The following GRIN2A variants were observed in gnomAD, a reference collection of about 807,000 sequenced individuals.
GRIN2A encodes glutamate receptor ionotropic, NMDA 2A.
In GRIN2A, 22 loss-of-function variants were observed where a neutral mutation model predicts 113.4. The ratio of observed to expected loss-of-function variants is 0.19; its 90% confidence interval spans 0.14 to 0.28. The LOEUF (loss-of-function observed/expected upper bound fraction) is 0.28, where lower values mean the gene tolerates loss of function less well. Among genes scored for constraint, GRIN2A ranks in the 10% least tolerant of loss-of-function variants. GRIN2A has a pLI of 1.00. For synonymous variants in GRIN2A, 827 were observed against 738.4 expected (o/e 1.12, Z -1.94); for missense variants, 1,502 against 1,887.0 (o/e 0.80, Z 3.78).
chr16:10,154,476 C>T (rs1371964555), intron 2 of GRIN2A, among the ~76,000 whole-genome samples: 1 of 152,140 alleles, frequency 6.6e-6, no homozygotes, highest in Non-Finnish European at 1.5e-5. Flanking sequence ...ATTTTGTCCC[C>T]ATCCCCTGGA....
intron 2 of GRIN2A, among the ~76,000 whole-genome samples, chr16:9,952,136 C>A (rs961516221): frequency 3.3e-5 from 5 of 152,112 alleles, no homozygotes; most frequent in Non-Finnish European, 7.4e-5. Context: ...GGCCTCCAAG[C>A]CTCACCCAGA....
chr16:9,839,039 C>T (rs2042628241), intron 7 of GRIN2A, among the ~76,000 whole-genome samples: 1 of 152,144 alleles, frequency 6.6e-6, no homozygotes, highest in Non-Finnish European at 1.5e-5. Context: ...CACTTGTACC[C>T]CTGAGCTATT....
chr16:9,804,160 A>C (rs1189039651), intron 10 of GRIN2A, among the ~76,000 whole-genome samples: 1 of 152,162 alleles, frequency 6.6e-6, no homozygotes, highest in Non-Finnish European at 1.5e-5. Flanking sequence ...AAAGAGAAAA[A>C]AGGCCACCTG....
At chr16:9,966,312 C>G (rs956058895) in intron 2 of GRIN2A, among the ~76,000 whole-genome samples, 7 of 152,134 alleles carry the variant, frequency 4.6e-5, no homozygotes, top group African/African-American at 1.7e-4. Flanking sequence ...TTTTTCCACT[C>G]TATGTGTCCA....
intron 10 of GRIN2A, among the ~76,000 whole-genome samples, chr16:9,803,310 G>A (rs961402135): frequency 1.4e-4 from 22 of 152,178 alleles, no homozygotes; most frequent in African/African-American, 5.3e-4. Context: ...GGGAGGCTGA[G>A]GCAGGCGAAT....
chr16:9,982,930 G>A (rs1259571949), intron 2 of GRIN2A, among the ~76,000 whole-genome samples: 2 of 152,116 alleles, frequency 1.3e-5, no homozygotes, highest in Non-Finnish European at 2.9e-5. Context: ...GTTGGTTACT[G>A]TTCTAGGATA....
chr16:9,900,090 GTGTCTGCTAAACTA>G (rs1289143746), intron 3 of GRIN2A, among the ~76,000 whole-genome samples: 3 of 152,182 alleles, frequency 2.0e-5, no homozygotes, highest in Non-Finnish European at 4.4e-5. Context: ...CACATTATGG[GTGTCTGCTAAACTA>G]TGGTAGGGGT....
chr16:9,986,505 C>T (rs1213318), intron 2 of GRIN2A, among the ~76,000 whole-genome samples: 23,045 of 152,006 alleles, frequency 0.15, 2,063 homozygotes, highest in East Asian at 0.36. Context: ...TGGCTCACAC[C>T]TGTAATCCCA....
intron 2 of GRIN2A, among the ~76,000 whole-genome samples, chr16:9,999,523 A>G (rs1234753608): frequency 6.6e-6 from 1 of 152,158 alleles, no homozygotes; most frequent in Non-Finnish European, 1.5e-5. Context: ...GTTCTCACTC[A>G]TAAGTGGGAG....
At chr16:10,091,907 G>C (rs1001388052) in intron 2 of GRIN2A, among the ~76,000 whole-genome samples, 1 of 152,156 alleles carries the variant, frequency 6.6e-6, no homozygotes, top group Non-Finnish European at 1.5e-5. Flanking sequence ...TTTTTTTAGG[G>C]CTGGTGAAAA....
intron 2 of GRIN2A, among the ~76,000 whole-genome samples, chr16:10,133,999 G>A (rs538802988): frequency 5.3e-5 from 8 of 151,830 alleles, no homozygotes; most frequent in Non-Finnish European, 7.4e-5. Flanking sequence ...CCTGGACAAC[G>A]TGGTGAAACC....
At chr16:9,891,206 C>A in intron 3 of GRIN2A, 106 bp from the exon 4 acceptor site, 1 of 729,936 alleles carries the variant, frequency 1.4e-6, no homozygotes, top group South Asian at 1.4e-5. Context: ...TATAAACTTA[C>A]AATGCTATAT....
intron 11 of GRIN2A, among the ~76,000 whole-genome samples, chr16:9,785,819 G>A (rs556316760): frequency 3.5e-4 from 53 of 152,294 alleles, no homozygotes; most frequent in Non-Finnish European, 6.5e-4. Context: ...TTCTTGCCAA[G>A]TGATTCTATT....
At chr16:9,798,830 G>A (rs1903173215) in intron 10 of GRIN2A, among the ~76,000 whole-genome samples, 1 of 152,174 alleles carries the variant, frequency 6.6e-6, no homozygotes, top group Admixed American at 6.5e-5. Context: ...AGGGGCAGAA[G>A]AATTTGGTGG....
At chr16:9,961,376 A>G (rs1019764352) in intron 2 of GRIN2A, among the ~76,000 whole-genome samples, 10 of 152,202 alleles carry the variant, frequency 6.6e-5, no homozygotes, top group East Asian at 3.8e-4. Context: ...AGAGGTTTCT[A>G]CACTTATCCT....
At chr16:9,907,683 T>C (rs2044053127) in intron 3 of GRIN2A, among the ~76,000 whole-genome samples, 1 of 152,206 alleles carries the variant, frequency 6.6e-6, no homozygotes, top group African/African-American at 2.4e-5. Flanking sequence ...AAGTCTCATT[T>C]AAATACAAAG....
chr16:9,782,502 T>G (rs561750077), intron 11 of GRIN2A, among the ~76,000 whole-genome samples: 1 of 152,356 alleles, frequency 6.6e-6, no homozygotes, highest in South Asian at 2.1e-4. Context: ...GGCCACTGTT[T>G]ATCCATGCCA....
chr16:9,938,045 C>A lies in GRIN2A; in HGVS notation c.921G>T (p.Leu307=), dbSNP rs1369729514. Residue 307 remains leucine, a synonymous_variant, in exon 3 of 13, where the codon CTG becomes CTT. Transcript: ENST00000330684. ...CCTCGGGGATGTAGGAGAACTTCTC[C>A]AGCATAGAAGATGCAGCGGTGGTTA... ...GILTTAASSM[L]EKFSYIPEAK... is the part of the protein sequence containing the mutation. The A allele has an allele frequency of 6.2e-7, 1 of 1,614,110 alleles. No individual in the cohort carries two copies. The highest frequency in any genetic ancestry group is 1.1e-5 in the South Asian group (1 of 91,080).
At chr16:9,954,394 G>A (rs564989852) in intron 2 of GRIN2A, among the ~76,000 whole-genome samples, 59 of 152,070 alleles carry the variant, frequency 3.9e-4, no homozygotes, top group Non-Finnish European at 6.9e-4. Context: ...GAGTTAAGAC[G>A]GCTGCTCTTT....
Sources: gnomAD v4.1 joint callset for allele counts (sites outside exome capture counted in the v4.1 genomes callset) on GRCh38, gnomAD v4.1.1 for gene constraint, MANE v1.5 for transcripts, NCBI Gene and HGNC (gene_info 2026-07-23, HGNC 2026-07-21) for gene names.